RCC1: variants seen among roughly 807,000 people sequenced by gnomAD.
RCC1 encodes the protein regulator of chromosome condensation.
Under a neutral mutation model 44.4 loss-of-function variants are expected in RCC1, and 11 were observed. The ratio of observed to expected loss-of-function variants is 0.25; its 90% CI spans 0.16 to 0.41. The LOEUF (loss-of-function observed/expected upper bound fraction) is 0.41, where lower values mean the gene tolerates loss of function less well. Among genes scored for constraint, RCC1 ranks in the 10% least tolerant of loss-of-function variants. RCC1 has a pLI of 1.00. For synonymous variants in RCC1, 213 were observed against 216.5 expected (o/e 0.98, Z 0.14); for missense variants, 386 against 547.1 (o/e 0.71, Z 2.94).
At chr1:28,515,079 A>G (rs1570174029) in intron 3 of RCC1, among the ~76,000 whole-genome samples, 1 of 152,118 alleles carries the variant, frequency 6.6e-6, no homozygotes, top group Non-Finnish European at 1.5e-5. Context: ...GAAGTTCAAG[A>G]CCAGCCTGGC....
chr1:28,506,320 G>A (rs1047285147), intron 1 of RCC1: 1 of 417,358 alleles, frequency 2.4e-6, no homozygotes, highest in East Asian at 7.4e-5. Flanking sequence ...CAGCAGCTGG[G>A]ATTACAGGCA....
intron 5 of RCC1, chr1:28,530,655 G>T: frequency 1.3e-6 from 2 of 1,521,140 alleles, no homozygotes; most frequent in Non-Finnish European, 8.9e-7. Flanking sequence ...CTGCCAGCGC[G>T]GGCTCCTCAG....
chr1:28,535,640 A>G, intron 9 of RCC1: 1 of 759,512 alleles, frequency 1.3e-6, no homozygotes, highest in African/African-American at 1.7e-5. Context: ...GTTAATGAGA[A>G]GAATATCAGG....
chr1:28,516,991 G>A, intron 4 of RCC1, 124 bp downstream of exon 4: 2 of 405,496 alleles, frequency 4.9e-6, no homozygotes, highest in Non-Finnish European at 9.9e-6. Flanking sequence ...CTTTGTGGCA[G>A]GCACCTGTAA....
intron 5 of RCC1, 51 bp downstream of exon 5, chr1:28,529,990 A>G (rs752646822): frequency 4.9e-6 from 7 of 1,434,992 alleles, no homozygotes; most frequent in Admixed American, 1.8e-5. Context: ...TTGAAACCCT[A>G]AGAACCCGGG....
At chr1:28,513,920 C>T (rs1187769034) in intron 3 of RCC1, among the ~76,000 whole-genome samples, 2 of 151,920 alleles carry the variant, frequency 1.3e-5, no homozygotes, top group Non-Finnish European at 2.9e-5. Flanking sequence ...AGTCCACATT[C>T]AATTGATATT....
Position 28,509,242 on chromosome 1 carries a change from C to T in RCC1, c.-153+337C>T, listed in dbSNP as rs563544265. On this transcript the variant is annotated intron_variant, in intron 3 of 12. Coordinates refer to ENST00000683442, the MANE Select transcript of RCC1 (RefSeq NM_001381865.2). Reference sequence around the variant, plus strand: ...TTTAAGAACCACAGAAGTGACTCTGCTTGGCCAGAAGGCACACTGTGTTGG... The same window carrying T: ...TTTAAGAACCACAGAAGTGACTCTGTTTGGCCAGAAGGCACACTGTGTTGG... 90 of 244,094 alleles carry T rather than the reference C, an allele frequency of 3.7e-4. 1 individual carries two copies. Among genetic ancestry groups the T allele is most frequent in the African/African-American group, 1.9e-3 (82 of 43,560 alleles). The allele number at this position is 244,094 out of a possible 1,614,324, so 15.1% of individuals were successfully genotyped here.
In RCC1 at chr1:28,536,919, C is replaced by G; in HGVS notation, c.1090+20C>G. 1.9e-6 allele frequency: 3 copies of G among 1,613,514 alleles called. No individual in the cohort carries two copies. The highest frequency in any genetic ancestry group is 2.5e-6 in the Non-Finnish European group (3 of 1,179,748). ...AGGATGGTGAGTGGGGCTGCCTACACTCTGTCTAGTTGGGACCTGGGGGTC... is the reference window on the plus strand; with the variant it reads ...AGGATGGTGAGTGGGGCTGCCTACAGTCTGTCTAGTTGGGACCTGGGGGTC... On this transcript the variant is annotated intron_variant, in intron 12 of 12. Coordinates refer to ENST00000683442, the MANE Select transcript of RCC1 (RefSeq NM_001381865.2). The surrounding 1 kb of genome is among the most constrained non-coding windows in gnomAD (Gnocchi z 4.9).
At chr1:28,507,293 AG>A (rs1249856340) in intron 1 of RCC1, 19 of 496,800 alleles carry the variant, frequency 3.8e-5, no homozygotes, top group Non-Finnish European at 7.3e-5. Context: ...TTCTTGTTTA[AG>A]ATCTGTAGTA....
chr1:28,529,959 T>C lies in RCC1; in HGVS notation c.73+20T>C. ...TGAAGGGTAAGTTGGCCTTGGCCTC[T>C]TTGTGGGTACAGGTGGCCCCTTGAA... On this transcript the variant is annotated intron_variant, in intron 5 of 12. Transcript: ENST00000683442. 6.2e-7 allele frequency: 1 copy of C among 1,604,706 alleles called. No individual in the cohort carries two copies. Among genetic ancestry groups the C allele is most frequent in the Non-Finnish European group, 8.5e-7 (1 of 1,172,414 alleles).
chr1:28,523,547 C>T (rs1663437764), intron 4 of RCC1, among the ~76,000 whole-genome samples: 1 of 152,144 alleles, frequency 6.6e-6, no homozygotes, highest in African/African-American at 2.4e-5. Context: ...TCCATGATAA[C>T]AGATTTTTTG....
chr1:28,522,449 G>T (rs994717306), intron 4 of RCC1, among the ~76,000 whole-genome samples: 6 of 152,096 alleles, frequency 3.9e-5, no homozygotes, highest in African/African-American at 1.4e-4. Flanking sequence ...TTATCTTCCA[G>T]GAAAAGGGGA....
chr1:28,532,313 C>T lies in RCC1; in HGVS notation c.404C>T (p.Thr135Ile). 6.2e-7 allele frequency: 1 copy of T among 1,614,110 alleles called. No individual in the cohort carries two copies. The highest frequency in any genetic ancestry group is 2.2e-5 in the East Asian group (1 of 44,870). ...GGAGACAGTCACACAGCAGCCCTCA[C>T]CGATGATGGCCGTGTCTTCCTCTGG... Reference protein sequence around the residue: ...SAGDSHTAALTDDGRVFLWGS... With the variant: ...SAGDSHTAALIDDGRVFLWGS... The change falls in exon 7 of 13, where the codon ACC becomes ATC. Residue 135 changes from threonine to isoleucine, a missense_variant. By Grantham distance (89) the Thr-to-Ile change is moderately conservative (BLOSUM62 -1). Coordinates refer to ENST00000683442, the MANE Select transcript of RCC1 (RefSeq NM_001381865.2).
intron 7 of RCC1, chr1:28,532,563 G>A: frequency 1.8e-6 from 1 of 565,940 alleles, no homozygotes; most frequent in Non-Finnish European, 3.2e-6. Flanking sequence ...GTCATCAAGT[G>A]TCTGTCCTGG....
intron 3 of RCC1, among the ~76,000 whole-genome samples, chr1:28,514,193 G>C (rs1052563465): frequency 7.2e-5 from 11 of 151,796 alleles, no homozygotes; most frequent in Admixed American, 1.3e-4. Context: ...GCTCACGCCT[G>C]TTATCCCAGC....
chr1:28,524,430 G>A (rs979374616), intron 4 of RCC1, among the ~76,000 whole-genome samples: 9 of 152,182 alleles, frequency 5.9e-5, no homozygotes, highest in African/African-American at 1.9e-4. Flanking sequence ...GCTGTGGCAC[G>A]TGCCCATGAT....
In RCC1 at chr1:28,507,236, A is replaced by AT. The variant is rs113728246; in HGVS notation, c.-261-883dup. 95 of 428,126 alleles carry AT rather than the reference A, an allele frequency of 2.2e-4. 1 individual carries two copies. Among genetic ancestry groups the AT allele is most frequent in the Middle Eastern group, 6.4e-4 (1 of 1,574 alleles). 26.5% of individuals were successfully genotyped at this position (428,126 alleles called of 1,614,324 possible). The stretch of plus-strand genomic sequence containing the variant: ...ATGCATGTTACCAGTCTAGAAACCG[A>AT]TTTTTTTTTAACACCCCACTGTGGA... On this transcript the variant is annotated intron_variant, in intron 1 of 12. Coordinates refer to ENST00000683442, the MANE Select transcript of RCC1 (RefSeq NM_001381865.2).
chr1:28,525,818 T>C (rs1024202223), intron 4 of RCC1, among the ~76,000 whole-genome samples: 4 of 151,924 alleles, frequency 2.6e-5, no homozygotes, highest in Non-Finnish European at 2.9e-5. Flanking sequence ...CCATATACCA[T>C]GGAGGGGAGA....
chr1:28,507,726 C>T (rs1489280791), intron 1 of RCC1: 1 of 351,120 alleles, frequency 2.8e-6, no homozygotes, highest in Non-Finnish European at 5.6e-6. Flanking sequence ...CCTGCCTTGG[C>T]CTCCTGAGTA....
Sources: gnomAD v4.1 joint callset for allele counts (sites outside exome capture counted in the v4.1 genomes callset) on GRCh38, gnomAD v4.1.1 for gene constraint, Gnocchi (gnomAD v3.1) non-coding constraint, MANE v1.5 for transcripts, NCBI Gene and HGNC (gene_info 2026-07-23, HGNC 2026-07-21) for gene names.